PIK3C3: variants seen among roughly 807,000 people sequenced by gnomAD.
The protein encoded by PIK3C3 is PI3-kinase type 3.
Under a neutral mutation model 126.1 loss-of-function variants are expected in PIK3C3, and 95 were observed. The observed-to-expected ratio is 0.75, with a 90% CI of 0.64 to 0.89. PIK3C3 has a LOEUF of 0.89. Ranked by LOEUF, PIK3C3 falls within the 40% of genes least tolerant of loss-of-function variation. The probability of loss-of-function intolerance (pLI) is 0.00; values close to 1 mark genes in which losing one functional copy is unlikely to be tolerated. For missense variants in PIK3C3, 829 were observed against 1,063.2 expected (o/e 0.78, Z 3.06); for synonymous variants, 374 against 360.0 (o/e 1.04, Z -0.44).
chr18:42,001,088 T>C (rs1363142795), intron 9 of PIK3C3, among the ~76,000 whole-genome samples: 1 of 152,224 alleles, frequency 6.6e-6, no homozygotes, highest in Non-Finnish European at 1.5e-5. Flanking sequence ...TATAGTATTT[T>C]CAGTTCTGGG....
At position 42,086,388 on chromosome 18, in the gene PIK3C3, G is replaced by C. The variant is rs559759962; in HGVS notation, c.*5251G>C. ...ATCACTGTCAGAGACATTTGAACTA[G>C]AGCAACTCCATCTTGAGTAGGGACT... is the stretch of plus-strand genomic sequence containing the variant. On this transcript the variant is annotated 3_prime_UTR_variant, in exon 25 of 25. Transcript: ENST00000262039. The C allele has an allele frequency of 2.6e-5, 4 of 152,316 alleles. No individual in the cohort carries two copies. Among genetic ancestry groups the C allele is most frequent in the African/African-American group, 7.2e-5 (3 of 41,542 alleles). 9.4% of individuals were successfully genotyped at this position (152,316 alleles called of 1,614,324 possible).
intron 10 of PIK3C3, among the ~76,000 whole-genome samples, chr18:42,011,371 T>A (rs1406648210): frequency 6.6e-6 from 1 of 152,246 alleles, no homozygotes; most frequent in Non-Finnish European, 1.5e-5. Flanking sequence ...ACATCAGTAC[T>A]TGTTGCTTTG....
At chr18:42,051,883 G>A (rs1984819622) in intron 21 of PIK3C3, among the ~76,000 whole-genome samples, 3 of 151,874 alleles carry the variant, frequency 2.0e-5, no homozygotes. Context: ...TAAATGACGA[G>A]TTAATGGGTG....
At chr18:41,956,706 G>A (rs987266032) in intron 1 of PIK3C3, among the ~76,000 whole-genome samples, 6 of 152,026 alleles carry the variant, frequency 3.9e-5, no homozygotes, top group African/African-American at 1.4e-4. Context: ...GCCAGCCTAA[G>A]TACTCTTGAG....
At chr18:42,064,895 C>A in intron 23 of PIK3C3, 65 bp downstream of exon 23, 1 of 846,774 alleles carries the variant, frequency 1.2e-6, no homozygotes, top group Non-Finnish European at 2.0e-6. Flanking sequence ...CAGAATACAA[C>A]AACCTCTCAA....
intron 22 of PIK3C3, among the ~76,000 whole-genome samples, chr18:42,058,645 C>T (rs1350831247): frequency 6.6e-6 from 1 of 152,076 alleles, no homozygotes; most frequent in African/African-American, 2.4e-5. Context: ...CATTCTGCTA[C>T]AAAAAAATGT....
At chr18:41,955,414 G>A (rs774830611) in intron 1 of PIK3C3, 55 bp downstream of exon 1, 16 of 1,463,280 alleles carry the variant, frequency 1.1e-5, no homozygotes, top group Non-Finnish European at 1.5e-5. Flanking sequence ...GGACGTGGGG[G>A]CAGGGGCCTG....
Position 42,058,047 on chromosome 18 carries a change from C to G in PIK3C3, c.2428C>G (p.Arg810Gly). The change falls in exon 22 of 25, where the codon CGA becomes GGA. Residue 810 changes from arginine (R) to glycine (G), a missense_variant. Transcript: ENST00000262039. ...GTGTTACACGGCTTTCCTCCACCTG[C>G]GAAGGTAAGTTGATTTGCTTGGCAC... Reference protein sequence around the residue: ...KQCYTAFLHLRRYSNLILNLF... With the variant: ...KQCYTAFLHLGRYSNLILNLF... 1 of 1,574,672 alleles carries G rather than the reference C, an allele frequency of 6.4e-7. No homozygotes were observed. Among genetic ancestry groups the G allele is most frequent in the Non-Finnish European group, 8.6e-7 (1 of 1,163,042 alleles).
intron 20 of PIK3C3, among the ~76,000 whole-genome samples, chr18:42,044,730 T>C (rs754126296): frequency 1.5e-4 from 23 of 152,192 alleles, no homozygotes; most frequent in Non-Finnish European, 3.2e-4. Context: ...TGTTTATTTT[T>C]TTATTTTGAT....
At chr18:42,043,439 A>G (rs1441145097) in intron 19 of PIK3C3, among the ~76,000 whole-genome samples, 4 of 152,062 alleles carry the variant, frequency 2.6e-5, no homozygotes, top group Non-Finnish European at 5.9e-5. Flanking sequence ...TTCAGATAAT[A>G]TGCTCTGTGG....
chr18:41,966,697 T>C (rs1210931492), intron 3 of PIK3C3, among the ~76,000 whole-genome samples: 1 of 152,190 alleles, frequency 6.6e-6, no homozygotes, highest in Non-Finnish European at 1.5e-5. Context: ...ATTCATTTGA[T>C]TTGCAAAATA....
At chr18:42,028,177 C>T (rs761972075) in intron 14 of PIK3C3, among the ~76,000 whole-genome samples, 1 of 152,124 alleles carries the variant, frequency 6.6e-6, no homozygotes, top group Non-Finnish European at 1.5e-5. Context: ...TGACCCTTTA[C>T]AGAAGTTTTC....
In PIK3C3 at chr18:42,085,385, T is replaced by C. The variant is rs1313389342; in HGVS notation, c.*4248T>C. ...GAACAACTTTAATATGAATAAATAG[T>C]CTAGAAAAAAATTTAGGAAAAATTG... On this transcript the variant is annotated 3_prime_UTR_variant, in exon 25 of 25. Transcript: ENST00000262039. 6.6e-6 allele frequency: 1 copy of C among 152,164 alleles called. No homozygotes were observed. The highest frequency in any genetic ancestry group is 1.5e-5 in the Non-Finnish European group (1 of 68,020). The allele number at this position is 152,164 out of a possible 1,614,324, so 9.4% of individuals were successfully genotyped here.
intron 3 of PIK3C3, among the ~76,000 whole-genome samples, chr18:41,963,904 G>C (rs1980226022): frequency 6.6e-6 from 1 of 150,452 alleles, no homozygotes; most frequent in African/African-American, 2.4e-5. Flanking sequence ...AGCCCTTTGT[G>C]GGTTATGTTA....
chr18:41,958,145 C>G (rs936701655), intron 2 of PIK3C3, among the ~76,000 whole-genome samples: 3 of 152,130 alleles, frequency 2.0e-5, no homozygotes, highest in Non-Finnish European at 4.4e-5. Context: ...AGAGATAGAT[C>G]TATTGCCATC....
chr18:41,960,128 T>A (rs940240959), intron 2 of PIK3C3, among the ~76,000 whole-genome samples: 4 of 152,296 alleles, frequency 2.6e-5, no homozygotes, highest in African/African-American at 9.6e-5. Flanking sequence ...TGATAGTGAG[T>A]TGTGAGAGTT....
chr18:41,992,217 G>C (rs930170838), intron 6 of PIK3C3, among the ~76,000 whole-genome samples: 2 of 152,168 alleles, frequency 1.3e-5, no homozygotes, highest in Non-Finnish European at 2.9e-5. Context: ...CTGGGCCAGT[G>C]TATTGAATCT....
chr18:42,046,759 T>C (rs1489460261), intron 20 of PIK3C3, among the ~76,000 whole-genome samples: 2 of 152,128 alleles, frequency 1.3e-5, no homozygotes, highest in Non-Finnish European at 1.5e-5. Flanking sequence ...TTGTTGTTAT[T>C]TTTCAGGATG....
intron 24 of PIK3C3, among the ~76,000 whole-genome samples, chr18:42,071,279 G>A (rs1363222156): frequency 1.3e-5 from 2 of 152,206 alleles, no homozygotes; most frequent in African/African-American, 4.8e-5. Flanking sequence ...GTGATGGACA[G>A]TGTTTGGGAC....
Sources: gnomAD v4.1 joint callset for allele counts (sites outside exome capture counted in the v4.1 genomes callset) on GRCh38, gnomAD v4.1.1 for gene constraint, MANE v1.5 for transcripts, NCBI Gene and HGNC (gene_info 2026-07-23, HGNC 2026-07-21) for gene names.